DLG2: variants seen among roughly 807,000 people sequenced by gnomAD.
The protein encoded by DLG2 is disks large homolog 2.
DLG2 carries 45 observed loss-of-function variants against 132.5 expected under a neutral mutation model. The ratio of observed to expected loss-of-function variants is 0.34; its 90% CI spans 0.27 to 0.44. The LOEUF is 0.44. Ranked by LOEUF, DLG2 falls within the 20% of genes least tolerant of loss-of-function variation. The probability of loss-of-function intolerance (pLI) is 1.00; values close to 1 mark genes in which losing one functional copy is unlikely to be tolerated. For missense variants in DLG2, 1,045 were observed against 1,196.9 expected (o/e 0.87, Z 1.87); for synonymous variants, 424 against 419.6 (o/e 1.01, Z -0.13).
At chr11:84,646,323 A>G (rs1370817561) in intron 6 of DLG2, among the ~76,000 whole-genome samples, 1 of 104,810 alleles carries the variant, frequency 9.5e-6, no homozygotes, top group African/African-American at 5.7e-5. Context: ...GTAAATGAAA[A>G]GAAGGACTTT....
chr11:83,654,713 G>A (rs2071784220), intron 18 of DLG2, among the ~76,000 whole-genome samples: 1 of 152,334 alleles, frequency 6.6e-6, no homozygotes, highest in South Asian at 2.1e-4. Flanking sequence ...AGTCTTGTAT[G>A]AGCGACTTAA....
At chr11:84,759,908 C>T (rs1000394933) in intron 6 of DLG2, among the ~76,000 whole-genome samples, 2 of 151,900 alleles carry the variant, frequency 1.3e-5, no homozygotes, top group Admixed American at 6.6e-5. Flanking sequence ...ACTATGGTAT[C>T]GGTGGAATTA....
intron 6 of DLG2, chr11:85,020,926 C>A: frequency 2.6e-6 from 2 of 770,824 alleles, no homozygotes; most frequent in East Asian, 2.4e-5. Flanking sequence ...TCATCTGCAC[C>A]GCCCTCAGAC....
intron 18 of DLG2, among the ~76,000 whole-genome samples, chr11:83,762,731 C>T (rs551358199): frequency 6.6e-6 from 1 of 152,240 alleles, no homozygotes; most frequent in East Asian, 1.9e-4. Context: ...CAGGCGCATG[C>T]CGCCACGCCT....
intron 15 of DLG2, among the ~76,000 whole-genome samples, chr11:83,898,059 T>C (rs1394155483): frequency 1.3e-5 from 2 of 152,162 alleles, no homozygotes; most frequent in East Asian, 3.9e-4. Flanking sequence ...ATGTTGCCTA[T>C]ACAAAGGGCC....
intron 6 of DLG2, among the ~76,000 whole-genome samples, chr11:84,814,497 G>C (rs942652287): frequency 6.6e-6 from 1 of 151,974 alleles, no homozygotes; most frequent in Non-Finnish European, 1.5e-5. Flanking sequence ...TCTAACATGA[G>C]AGTCTAGGCC....
chr11:84,110,454 G>A (rs1435596130), intron 9 of DLG2, among the ~76,000 whole-genome samples: 1 of 152,146 alleles, frequency 6.6e-6, no homozygotes, highest in Non-Finnish European at 1.5e-5. Flanking sequence ...GGCTGTACTA[G>A]TCCAAGTCCT....
intron 6 of DLG2, among the ~76,000 whole-genome samples, chr11:84,626,335 C>T (rs890840870): frequency 4.6e-5 from 7 of 152,204 alleles, no homozygotes; most frequent in African/African-American, 1.7e-4. Flanking sequence ...AGACACAACA[C>T]TCCTAACTCT....
chr11:85,316,943 T>C (rs990745601), intron 3 of DLG2, among the ~76,000 whole-genome samples: 2 of 62,088 alleles, frequency 3.2e-5, no homozygotes, highest in East Asian at 6.7e-4. Flanking sequence ...AAAACTGTAG[T>C]AAAAGCAATG....
At chr11:85,490,644 T>C (rs2093536015) in intron 3 of DLG2, among the ~76,000 whole-genome samples, 1 of 151,824 alleles carries the variant, frequency 6.6e-6, no homozygotes, top group African/African-American at 2.4e-5. Flanking sequence ...ATACAAAAGA[T>C]CATCAGAGAT....
At chr11:83,587,924 CT>C (rs1021383409) in intron 19 of DLG2, among the ~76,000 whole-genome samples, 6 of 152,350 alleles carry the variant, frequency 3.9e-5, no homozygotes, top group African/African-American at 1.2e-4. Flanking sequence ...GAATACTGAG[CT>C]TTTCCCATGG....
intron 18 of DLG2, among the ~76,000 whole-genome samples, chr11:83,696,313 C>T (rs762622870): frequency 5.3e-5 from 8 of 152,178 alleles, no homozygotes; most frequent in Non-Finnish European, 1.2e-4. Flanking sequence ...GGCACAATCT[C>T]TTAACGTGAC....
chr11:83,676,452 C>G (rs2153585503), intron 18 of DLG2, among the ~76,000 whole-genome samples: 1 of 152,282 alleles, frequency 6.6e-6, no homozygotes, highest in Non-Finnish European at 1.5e-5. Flanking sequence ...TTGAGCAAGT[C>G]AGTTTGAGTC....
In DLG2 at chr11:84,248,863, G is replaced by C. The variant is rs1451744404; in HGVS notation, c.573+2375C>G. ...TACTCCAGCCTGGGTGATAGAGCAA[G>C]ACTCTGTCTCAACAGCAACAACAAA... On this transcript the variant is annotated intron_variant, in intron 8 of 27. Transcript: ENST00000376104. Among the ~76,000 whole-genome samples, 3 of 152,120 alleles carry C rather than the reference G, an allele frequency of 2.0e-5. No homozygotes were observed. The East Asian group carries it at 5.8e-4, about 29-fold the overall frequency.
chr11:85,604,289 T>A (rs1310658622), intron 2 of DLG2, among the ~76,000 whole-genome samples: 1 of 152,228 alleles, frequency 6.6e-6, no homozygotes, highest in African/African-American at 2.4e-5. Context: ...ATGCTGCTTT[T>A]GATTATTGAG....
intron 11 of DLG2, among the ~76,000 whole-genome samples, chr11:84,024,997 T>C (rs111367422): frequency 8.5e-5 from 13 of 152,086 alleles, no homozygotes; most frequent in Non-Finnish European, 1.6e-4. Flanking sequence ...TATCACTTTG[T>C]ATGCCATAAA....
At chr11:84,591,797 C>T (rs1010667084) in intron 6 of DLG2, among the ~76,000 whole-genome samples, 2 of 152,114 alleles carry the variant, frequency 1.3e-5, no homozygotes, top group East Asian at 3.8e-4. Context: ...AGTTTGCATC[C>T]GCAATCAAAT....
At chr11:85,115,350 G>T (rs1256788827) in intron 5 of DLG2, among the ~76,000 whole-genome samples, 1 of 151,878 alleles carries the variant, frequency 6.6e-6, no homozygotes. Context: ...CATGTAGTTG[G>T]TCAACAAGCA....
intron 6 of DLG2, among the ~76,000 whole-genome samples, chr11:84,724,431 A>G (rs745459537): frequency 1.3e-5 from 2 of 152,172 alleles, no homozygotes; most frequent in Non-Finnish European, 2.9e-5. Flanking sequence ...GCTAGAGCCA[A>G]TCCTACTCAT....
Sources: gnomAD v4.1 joint callset for allele counts (sites outside exome capture counted in the v4.1 genomes callset) on GRCh38, gnomAD v4.1.1 for gene constraint, MANE v1.5 for transcripts, NCBI Gene and HGNC (gene_info 2026-07-23, HGNC 2026-07-21) for gene names.